Variants in ABTB3 observed in about 807,000 individuals in gnomAD.
The protein encoded by ABTB3 is ankyrin repeat and BTB domain containing 3.
the ABTB3 span, among the ~76,000 whole-genome samples, chr12:107,633,887 A>G: frequency 1.3e-5 from 2 of 152,234 alleles, no homozygotes; most frequent in African/African-American, 2.4e-5. Context: ...GGCGAGGCCC[A>G]AGCATTTACA....
the ABTB3 span, among the ~76,000 whole-genome samples, chr12:107,421,416 G>A: frequency 2.5e-4 from 38 of 152,142 alleles, no homozygotes; most frequent in African/African-American, 9.2e-4. Context: ...ATAATATATT[G>A]GTGCCAGAAG....
chr12:107,579,586 A>G, the ABTB3 span, among the ~76,000 whole-genome samples: 2 of 152,230 alleles, frequency 1.3e-5, no homozygotes, highest in African/African-American at 4.8e-5. Flanking sequence ...TGACTATAGG[A>G]AAACTGGCAC....
the ABTB3 span, among the ~76,000 whole-genome samples, chr12:107,395,359 G>T: frequency 1.3e-5 from 2 of 152,170 alleles, no homozygotes; most frequent in South Asian, 4.2e-4. Flanking sequence ...CAGCCTCACT[G>T]CTTTAAGACC....
At chr12:107,434,200 C>G in the ABTB3 span, among the ~76,000 whole-genome samples, 1 of 152,162 alleles carries the variant, frequency 6.6e-6, no homozygotes, top group Admixed American at 6.5e-5. Context: ...AGTTATCCCA[C>G]CTGTAGGGCA....
At chr12:107,451,919 G>C in the ABTB3 span, among the ~76,000 whole-genome samples, 123 of 152,320 alleles carry the variant, frequency 8.1e-4, no homozygotes, top group African/African-American at 2.8e-3. Context: ...CTGTGCAATA[G>C]TCACAGCCAA....
chr12:107,646,227 C>A, the ABTB3 span, among the ~76,000 whole-genome samples: 1 of 152,212 alleles, frequency 6.6e-6, no homozygotes, highest in Non-Finnish European at 1.5e-5. Flanking sequence ...GCCTAATAAG[C>A]GTTTGTTTCA....
chr12:107,654,155 A>T, the ABTB3 span, among the ~76,000 whole-genome samples: 1 of 152,186 alleles, frequency 6.6e-6, no homozygotes, highest in South Asian at 2.1e-4. Flanking sequence ...CATTGCATGT[A>T]CATGCCATAT....
chr12:107,581,346 C>T, the ABTB3 span: 1 of 1,288,092 alleles, frequency 7.8e-7, no homozygotes, highest in Non-Finnish European at 9.8e-7. Flanking sequence ...GGAGGGAGGG[C>T]TCCGGCCTCG....
the ABTB3 span, among the ~76,000 whole-genome samples, chr12:107,633,880 G>A: frequency 2.6e-5 from 4 of 152,230 alleles, no homozygotes; most frequent in African/African-American, 9.6e-5. Context: ...GGTCTGGGGC[G>A]AGGCCCAAGC....
chr12:107,575,345 T>A, the ABTB3 span, among the ~76,000 whole-genome samples: 2 of 152,084 alleles, frequency 1.3e-5, no homozygotes, highest in Non-Finnish European at 2.9e-5. Context: ...TTGGTGATGA[T>A]GATAATAACA....
At chr12:107,610,798 AC>A in the ABTB3 span, among the ~76,000 whole-genome samples, 1 of 152,122 alleles carries the variant, frequency 6.6e-6, no homozygotes, top group African/African-American at 2.4e-5. Context: ...CATTCTGGGG[AC>A]CCTAGGAGGC....
At chr12:107,523,312 A>C in the ABTB3 span, among the ~76,000 whole-genome samples, 1 of 152,186 alleles carries the variant, frequency 6.6e-6, no homozygotes, top group Non-Finnish European at 1.5e-5. Context: ...TTGCGCTTCC[A>C]TTCCCTTCAA....
At chr12:107,615,268 G>A in the ABTB3 span, 5 of 813,692 alleles carry the variant, frequency 6.1e-6, no homozygotes, top group South Asian at 5.0e-5. Context: ...ATTCATATTG[G>A]TTAACTGCAA....
the ABTB3 span, among the ~76,000 whole-genome samples, chr12:107,445,062 C>T: frequency 1.3e-5 from 2 of 152,254 alleles, no homozygotes; most frequent in African/African-American, 4.8e-5. Context: ...TCCCCCCAGC[C>T]TGGGGCCCCA....
the ABTB3 span, among the ~76,000 whole-genome samples, chr12:107,545,862 C>T: frequency 6.6e-6 from 1 of 152,174 alleles, no homozygotes; most frequent in Non-Finnish European, 1.5e-5. Context: ...CCCCAACAGC[C>T]TGTCCAGCCG....
chr12:107,518,609 G>C, the ABTB3 span, among the ~76,000 whole-genome samples: 17 of 119,878 alleles, frequency 1.4e-4, no homozygotes, highest in African/African-American at 4.4e-4. Flanking sequence ...GTCATGGGGT[G>C]GGGGGAGGGG....
chr12:107,407,439 G>A, the ABTB3 span, among the ~76,000 whole-genome samples: 2 of 152,212 alleles, frequency 1.3e-5, no homozygotes, highest in East Asian at 1.9e-4. Context: ...ATCCAAGAAG[G>A]CTTGGCCCCT....
At chr12:107,457,426 T>C in the ABTB3 span, among the ~76,000 whole-genome samples, 2 of 152,238 alleles carry the variant, frequency 1.3e-5, no homozygotes, top group African/African-American at 4.8e-5. Context: ...ACTGTCACCA[T>C]GGCAATTTCG....
the ABTB3 span, among the ~76,000 whole-genome samples, chr12:107,336,005 C>G: frequency 6.6e-6 from 1 of 152,174 alleles, no homozygotes; most frequent in Non-Finnish European, 1.5e-5. Context: ...CTGCTCCCTC[C>G]CCACCACCCG....
Sources: allele counts gnomAD v4.1 joint callset (sites outside exome capture counted in the v4.1 genomes callset), GRCh38; gene constraint gnomAD v4.1.1; transcripts MANE v1.5; gene names NCBI Gene and HGNC (gene_info 2026-07-23, HGNC 2026-07-21).